Variants in TANC1 observed in about 807,000 individuals in gnomAD.
The protein encoded by TANC1 is protein TANC1.
A neutral mutation model predicts 149.7 loss-of-function variants in TANC1; 77 were observed. That is an observed-to-expected ratio of 0.51 (90% CI 0.43 to 0.62). The LOEUF (loss-of-function observed/expected upper bound fraction) is 0.62. TANC1 is among the 20% of genes least tolerant of loss of function. The probability of loss-of-function intolerance (pLI) is 0.00; values close to 1 mark genes in which losing one functional copy is unlikely to be tolerated. For missense variants in TANC1, 1,985 were observed against 2,321.8 expected (o/e 0.85, Z 2.98); for synonymous variants, 854 against 925.0 (o/e 0.92, Z 1.39).
intron 2 of TANC1, among the ~76,000 whole-genome samples, chr2:159,041,231 T>TG (rs1204516457): frequency 6.6e-6 from 1 of 152,186 alleles, no homozygotes; most frequent in Non-Finnish European, 1.5e-5. Flanking sequence ...TAAGGCTACA[T>TG]GGGGGTCAGG....
At chr2:159,223,807 C>CA (rs1223473424) in intron 22 of TANC1, among the ~76,000 whole-genome samples, 2 of 152,220 alleles carry the variant, frequency 1.3e-5, no homozygotes, top group African/African-American at 4.8e-5. Context: ...CTGCCGTGCA[C>CA]AGGTTGTGTG....
chr2:159,150,452 C>G lies in TANC1; in HGVS notation c.578C>G (p.Ser193Ter). The G allele has an allele frequency of 6.2e-7, 1 of 1,614,196 alleles. No homozygotes were observed. The highest frequency in any genetic ancestry group is 8.5e-7 in the Non-Finnish European group (1 of 1,180,028). Residue 193 changes from serine (S) to a stop codon, truncating the protein, a stop_gained, in exon 7 of 27, where the codon TCA (serine) becomes TGA (stop). Transcript: ENST00000263635. LOFTEE classifies it high-confidence loss of function. ...TASPSTDSPCSTLNSCVSKTA... is the reference protein window; with the variant it reads ...TASPSTDSPC ...TCTCCTAGCACCGATAGCCCCTGCT[C>G]AACCTTGAATAGCTGTGTCAGCAAG...
chr2:159,025,318 C>G (rs1013619587), intron 2 of TANC1, among the ~76,000 whole-genome samples: 11 of 149,872 alleles, frequency 7.3e-5, no homozygotes, highest in Non-Finnish European at 1.6e-4. Context: ...TACCTAAAAC[C>G]TACTCTCTTA....
At chr2:159,211,835 C>T (rs977680187) in intron 19 of TANC1, among the ~76,000 whole-genome samples, 1 of 152,132 alleles carries the variant, frequency 6.6e-6, no homozygotes, top group Non-Finnish European at 1.5e-5. Flanking sequence ...TAAGCCTGAG[C>T]ATAGTCTGCC....
chr2:159,028,202 C>T (rs112218305), intron 2 of TANC1, among the ~76,000 whole-genome samples: 2 of 152,256 alleles, frequency 1.3e-5, no homozygotes, highest in Admixed American at 6.5e-5. Flanking sequence ...CTCACTGCAA[C>T]CTCTATCTCC....
chr2:159,037,047 C>T (rs951424237), intron 2 of TANC1, among the ~76,000 whole-genome samples: 26 of 152,284 alleles, frequency 1.7e-4, no homozygotes, highest in African/African-American at 6.3e-4. Context: ...TTAATGATCG[C>T]CGTTCTAACT....
chr2:159,066,288 T>C (rs264657), intron 3 of TANC1, among the ~76,000 whole-genome samples: 106,485 of 151,922 alleles, frequency 0.7, 37,488 homozygotes, highest in Non-Finnish European at 0.73. Flanking sequence ...TGGCACATAC[T>C]TGTAAATCCT....
At chr2:159,164,988 G>A (rs1320854379) in intron 8 of TANC1, among the ~76,000 whole-genome samples, 1 of 152,178 alleles carries the variant, frequency 6.6e-6, no homozygotes, top group African/African-American at 2.4e-5. Flanking sequence ...AGAGTATGTG[G>A]CACCCAAGGC....
At chr2:159,228,130 C>T (rs893968562) in intron 25 of TANC1, 165 bp downstream of exon 25, 51 of 727,760 alleles carry the variant, frequency 7.0e-5, no homozygotes, top group African/African-American at 1.2e-4. Context: ...CCGTGACTAT[C>T]GTTTGGTCAC....
intron 4 of TANC1, among the ~76,000 whole-genome samples, chr2:159,110,072 G>A (rs114166467): frequency 2.6e-5 from 4 of 152,348 alleles, no homozygotes; most frequent in African/African-American, 7.2e-5. Flanking sequence ...GCCACTGTGT[G>A]TGATAAATTC....
At chr2:159,182,668 A>G (rs573462033) in intron 14 of TANC1, among the ~76,000 whole-genome samples, 2 of 152,142 alleles carry the variant, frequency 1.3e-5, no homozygotes, top group South Asian at 2.1e-4. Flanking sequence ...CCTATTTCCT[A>G]TAAATTGGTA....
chr2:159,127,063 C>T (rs1412742004), intron 4 of TANC1, among the ~76,000 whole-genome samples: 1 of 152,158 alleles, frequency 6.6e-6, no homozygotes, highest in Non-Finnish European at 1.5e-5. Context: ...AGACTACAAA[C>T]TGGAACTTGA....
intron 3 of TANC1, among the ~76,000 whole-genome samples, chr2:159,070,407 T>A (rs1052659888): frequency 6.6e-6 from 1 of 152,206 alleles, no homozygotes; most frequent in African/African-American, 2.4e-5. Flanking sequence ...GAACCTACAT[T>A]GACACATTAT....
At chr2:158,977,895 C>T (rs1316850120) in intron 1 of TANC1, among the ~76,000 whole-genome samples, 1 of 152,074 alleles carries the variant, frequency 6.6e-6, no homozygotes. Flanking sequence ...AATTTTGCCT[C>T]TTCCCTCACC....
chr2:159,041,818 T>A (rs752621489), intron 2 of TANC1, among the ~76,000 whole-genome samples: 2 of 152,210 alleles, frequency 1.3e-5, no homozygotes, highest in African/African-American at 4.8e-5. Context: ...CCAGCTGAGA[T>A]GAACCAGGCA....
At chr2:159,093,176 A>G (rs2045726429) in intron 3 of TANC1, among the ~76,000 whole-genome samples, 1 of 152,214 alleles carries the variant, frequency 6.6e-6, no homozygotes, top group Non-Finnish European at 1.5e-5. Flanking sequence ...GCATCGTCCT[A>G]CCTGGCATTT....
Position 159,172,156 on chromosome 2 carries a change from T to C in TANC1, c.1387T>C (p.Leu463=). ...CACTCAGGATCTTCATTTCACTCCG[T>C]TGCTTTCACCGAGTTCTTCCACAAG... The part of the protein sequence containing the change: ...DPTQDLHFTP[L]LSPSSSTSAS... The change falls in exon 11 of 27, where the codon TTG becomes CTG. Residue 463 remains leucine, a synonymous_variant. Transcript: ENST00000263635. 1.2e-6 allele frequency: 2 copies of C among 1,614,166 alleles called. No homozygotes were observed. The highest frequency in any genetic ancestry group is 1.7e-4 in the Middle Eastern group (1 of 6,060).
chr2:159,076,728 G>C (rs1286130093), intron 3 of TANC1, among the ~76,000 whole-genome samples: 3 of 150,752 alleles, frequency 2.0e-5, no homozygotes, highest in Non-Finnish European at 4.4e-5. Context: ...TCAATTTCTT[G>C]CTTGAGGAAG....
intron 4 of TANC1, among the ~76,000 whole-genome samples, chr2:159,125,300 A>T (rs1436123606): frequency 4.6e-5 from 7 of 152,226 alleles, no homozygotes; most frequent in Non-Finnish European, 1.0e-4. Context: ...TACCTGTAGC[A>T]CATGAGACAG....
Sources: allele counts gnomAD v4.1 joint callset (sites outside exome capture counted in the v4.1 genomes callset), GRCh38; gene constraint gnomAD v4.1.1; transcripts MANE v1.5; gene names NCBI Gene and HGNC (gene_info 2026-07-23, HGNC 2026-07-21).